PCDHA5: variants seen among roughly 807,000 people sequenced by gnomAD.
The protein encoded by PCDHA5 is protocadherin alpha 5, also known as protocadherin alpha-5.
PCDHA5 carries 43 observed loss-of-function variants against 61.6 expected under a neutral mutation model. The observed-to-expected ratio is 0.70, with a 90% CI of 0.55 to 0.90. The LOEUF is 0.90. PCDHA5 is among the 40% of genes least tolerant of loss of function. PCDHA5 has a pLI of 0.00. For synonymous variants in PCDHA5, 627 were observed against 543.9 expected (o/e 1.15, Z -2.13); for missense variants, 1,298 against 1,222.7 (o/e 1.06, Z -0.92).
Position 140,822,352 on chromosome 5 carries a change from C to A in PCDHA5, c.577C>A (p.Leu193Met). 1 of 1,614,074 alleles carries A rather than the reference C, an allele frequency of 6.2e-7. No individual in the cohort carries two copies. Among genetic ancestry groups the A allele is most frequent in the Non-Finnish European group, 8.5e-7 (1 of 1,179,958 alleles). Residue 193 changes from leucine to methionine, a missense_variant, in exon 1 of 4, where the codon CTG becomes ATG. By Grantham distance (15) the Leu-to-Met change is conservative. Transcript: ENST00000529859. ...TNEEETNFLE[L>M]VLRKSLDREE... ...TGAAGAAGAAACGAACTTTTTAGAG[C>A]TGGTTTTGAGGAAATCCTTAGATAG...
intron 1 of PCDHA5, among the ~76,000 whole-genome samples, chr5:140,921,561 T>C (rs373696344): frequency 6.6e-6 from 1 of 152,194 alleles, no homozygotes; most frequent in South Asian, 2.1e-4. Context: ...AGCTCTATTA[T>C]GTTATAGTAG....
At chr5:140,869,418 C>T in intron 1 of PCDHA5, 2 of 1,614,174 alleles carry the variant, frequency 1.2e-6, no homozygotes, top group Middle Eastern at 1.6e-4. Context: ...GCAGCATCCA[C>T]CTGGAGGTGA....
chr5:140,970,687 CT>C (rs1464659851), intron 1 of PCDHA5, among the ~76,000 whole-genome samples: 1 of 152,078 alleles, frequency 6.6e-6, no homozygotes, highest in Non-Finnish European at 1.5e-5. Flanking sequence ...GTAGAAAGGG[CT>C]TTTAGAGCTA....
intron 1 of PCDHA5, among the ~76,000 whole-genome samples, chr5:140,925,937 C>T (rs1244990026): frequency 1.4e-5 from 2 of 138,450 alleles, no homozygotes; most frequent in East Asian, 3.9e-4. Flanking sequence ...AGTAGAGCCT[C>T]TTGGAGAAGG....
At chr5:140,872,598 A>G (rs1211346027) in intron 1 of PCDHA5, among the ~76,000 whole-genome samples, 1 of 152,158 alleles carries the variant, frequency 6.6e-6, no homozygotes, top group African/African-American at 2.4e-5. Context: ...CCCCCATCTG[A>G]AAAAATAATT....
intron 1 of PCDHA5, chr5:140,877,895 G>T (rs1554170219): frequency 1.4e-6 from 2 of 1,447,634 alleles, no homozygotes; most frequent in South Asian, 3.1e-5. Context: ...TTCCGTTTAG[G>T]TTATAACTAC....
chr5:140,848,969 C>G (rs2150427245), intron 1 of PCDHA5: 31 of 1,604,278 alleles, frequency 1.9e-5, no homozygotes, highest in Non-Finnish European at 2.6e-5. Context: ...AGGGCGCGTC[C>G]GATGCAGATA....
chr5:140,827,876 G>C (rs2150149560), intron 1 of PCDHA5: 2 of 646,280 alleles, frequency 3.1e-6, no homozygotes, highest in Non-Finnish European at 5.3e-6. Flanking sequence ...GCACTGTTAC[G>C]TGAATTGATT....
chr5:140,981,443 G>A lies in PCDHA5; in HGVS notation c.2412-1032G>A, dbSNP rs530782878. ...ACAAAAATGAGCCAGGCATGGTGGC[G>A]GGTGCCTGTAGTCCCAGCTACTTGG... On this transcript the variant is annotated intron_variant, in intron 2 of 3. Transcript: ENST00000529859. Among the ~76,000 whole-genome samples, 6 of 152,126 alleles carry A rather than the reference G, an allele frequency of 3.9e-5. No homozygotes were observed. The Middle Eastern group carries it at 0.01, about 259-fold the overall frequency.
At chr5:140,976,250 A>C (rs1420287471) in intron 1 of PCDHA5, among the ~76,000 whole-genome samples, 1 of 152,144 alleles carries the variant, frequency 6.6e-6, no homozygotes, top group Non-Finnish European at 1.5e-5. Flanking sequence ...ATGTAAATTT[A>C]TTTAAAACAC....
chr5:140,884,240 G>A (rs139927854), intron 1 of PCDHA5: 5 of 1,613,368 alleles, frequency 3.1e-6, no homozygotes, highest in African/African-American at 1.3e-5. Context: ...CGGTGAGCCC[G>A]CGCTGACGGC....
At chr5:140,941,255 C>CTTTCTTTCTTTCTTTCTT (rs782490896) in intron 1 of PCDHA5, among the ~76,000 whole-genome samples, 39 of 44,506 alleles carry the variant, frequency 8.8e-4, no homozygotes, top group Middle Eastern at 0.012. Flanking sequence ...TTCTTTCTTT[C>CTTTCTTTCTTTCTTTCTT]TCTTTCTTTC....
At chr5:141,006,375 CTAAG>C (rs2098270775) in intron 3 of PCDHA5, among the ~76,000 whole-genome samples, 1 of 151,930 alleles carries the variant, frequency 6.6e-6, no homozygotes, top group Admixed American at 6.6e-5. Flanking sequence ...CCACGCCCGG[CTAAG>C]TTTTTTCTAT....
At chr5:140,928,467 A>C (rs782319281) in intron 1 of PCDHA5, 29 of 1,614,142 alleles carry the variant, frequency 1.8e-5, no homozygotes, top group Non-Finnish European at 2.3e-5. Flanking sequence ...ATTTCCAAGT[A>C]GAAGGCCGGG....
chr5:140,967,056 G>A, intron 1 of PCDHA5: 1 of 1,612,712 alleles, frequency 6.2e-7, no homozygotes, highest in Non-Finnish European at 8.5e-7. Context: ...CTGACGAGTG[G>A]AGCGCTCTTC....
chr5:140,830,308 G>A, intron 1 of PCDHA5: 1 of 1,613,990 alleles, frequency 6.2e-7, no homozygotes, highest in Non-Finnish European at 8.5e-7. Flanking sequence ...AGCCCACGCT[G>A]GTGTGCTCCA....
chr5:140,871,134 C>T, intron 1 of PCDHA5: 1 of 1,613,414 alleles, frequency 6.2e-7, no homozygotes, highest in Non-Finnish European at 8.5e-7. Flanking sequence ...CGCCAAAGGC[C>T]TCTTCCCGGA....
intron 1 of PCDHA5, chr5:140,969,615 G>A (rs1417453925): frequency 3.6e-5 from 26 of 714,726 alleles, no homozygotes; most frequent in Non-Finnish European, 5.5e-5. Flanking sequence ...ACACAGATTT[G>A]TAGAGAAACA....
intron 3 of PCDHA5, among the ~76,000 whole-genome samples, chr5:141,002,678 C>T (rs1361402849): frequency 6.6e-6 from 1 of 152,136 alleles, no homozygotes; most frequent in Non-Finnish European, 1.5e-5. Context: ...AAAACCTATA[C>T]GACGTGCAGA....
Sources: allele counts gnomAD v4.1 joint callset (sites outside exome capture counted in the v4.1 genomes callset), GRCh38; gene constraint gnomAD v4.1.1; transcripts MANE v1.5; gene names NCBI Gene and HGNC (gene_info 2026-07-23, HGNC 2026-07-21).